Variants in DGKI observed in about 807,000 individuals in gnomAD.
DGKI encodes the protein diacylglycerol kinase iota.
A neutral mutation model predicts 147.5 loss-of-function variants in DGKI; 55 were observed. The observed-to-expected ratio is 0.37, with a 90% CI of 0.30 to 0.47. DGKI has a LOEUF of 0.47. DGKI is among the 20% of genes least tolerant of loss of function. DGKI has a pLI of 1.00. For missense variants in DGKI, 1,007 were observed against 1,323.8 expected (o/e 0.76, Z 3.71); for synonymous variants, 469 against 477.1 (o/e 0.98, Z 0.22).
chr7:137,729,860 A>AC (rs1794819924), intron 1 of DGKI, among the ~76,000 whole-genome samples: 1 of 152,032 alleles, frequency 6.6e-6, no homozygotes, highest in Admixed American at 6.6e-5. Context: ...TAATGGTTCC[A>AC]TGTTCACTAC....
intron 6 of DGKI, among the ~76,000 whole-genome samples, chr7:137,644,644 C>T (rs1307879068): frequency 6.6e-6 from 1 of 152,196 alleles, no homozygotes; most frequent in Non-Finnish European, 1.5e-5. Context: ...ATATTCCCCC[C>T]AAATTATCTT....
At chr7:137,618,145 A>ATATATATG (rs1222286147) in intron 8 of DGKI, among the ~76,000 whole-genome samples, 1 of 12,232 alleles carries the variant, frequency 8.2e-5, no homozygotes, top group African/African-American at 2.4e-4. Context: ...ATATATATAT[A>ATATATATG]TATATATTTT....
At chr7:137,649,783 ATATATATAT>A (rs1354431849) in intron 5 of DGKI, among the ~76,000 whole-genome samples, 1 of 148,480 alleles carries the variant, frequency 6.7e-6, no homozygotes, top group Non-Finnish European at 1.5e-5. Context: ...GTATATATAT[ATATATATAT>A]TTCATAGAGT....
intron 2 of DGKI, among the ~76,000 whole-genome samples, chr7:137,687,961 T>C (rs1373576988): frequency 6.6e-6 from 1 of 152,206 alleles, no homozygotes; most frequent in Non-Finnish European, 1.5e-5. Context: ...TCCCTCATTC[T>C]GTACTGCAGC....
rs1453061445 is a variant in DGKI at position 137,388,573 on chromosome 7, C to T, written c.*2647G>A. The T allele has an allele frequency of 2.6e-5, 4 of 152,124 alleles. No individual in the cohort carries two copies. The highest frequency in any genetic ancestry group is 4.4e-5 in the Non-Finnish European group (3 of 68,022). The allele number at this position is 152,124 out of a possible 1,614,324, so 9.4% of individuals were successfully genotyped here. ...TCCTGATGTCCTAATAGTAGGGATACAATATACTTAAGCTGAGATGGAAAC... is the reference window on the plus strand; with the variant it reads ...TCCTGATGTCCTAATAGTAGGGATATAATATACTTAAGCTGAGATGGAAAC... On this transcript the variant is annotated 3_prime_UTR_variant, in exon 33 of 33. Coordinates refer to ENST00000614521, the MANE Select transcript of DGKI (RefSeq NM_001321708.2).
At chr7:137,629,666 C>T (rs183232429) in intron 6 of DGKI, among the ~76,000 whole-genome samples, 20 of 152,312 alleles carry the variant, frequency 1.3e-4, no homozygotes, top group Non-Finnish European at 2.5e-4. Context: ...CTATATCTGT[C>T]TTATCCAGAG....
chr7:137,460,840 C>G lies in DGKI; in HGVS notation c.2735+2649G>C, dbSNP rs34401430. On this transcript the variant is annotated intron_variant, in intron 27 of 32. Coordinates refer to ENST00000614521, the MANE Select transcript of DGKI (RefSeq NM_001321708.2). Reference sequence around the variant, plus strand: ...AAGATATAATGCAAATATAGAAAAACAATGACATAATAAATCAAGGTGGTT... The same window carrying G: ...AAGATATAATGCAAATATAGAAAAAGAATGACATAATAAATCAAGGTGGTT... Among the ~76,000 whole-genome samples the G allele has an allele frequency of 4.6e-5, 7 of 152,038 alleles. 1 individual carries two copies. The highest frequency in any genetic ancestry group is 1.7e-4 in the African/African-American group (7 of 41,392).
At chr7:137,711,887 T>C (rs1794227310) in intron 1 of DGKI, among the ~76,000 whole-genome samples, 1 of 151,054 alleles carries the variant, frequency 6.6e-6, no homozygotes, top group Non-Finnish European at 1.5e-5. Flanking sequence ...AGAGACGGGG[T>C]TTCACCACGT....
At chr7:137,741,451 G>C (rs368400398) in intron 1 of DGKI, among the ~76,000 whole-genome samples, 1 of 152,318 alleles carries the variant, frequency 6.6e-6, no homozygotes, top group Non-Finnish European at 1.5e-5. Context: ...ATCCCACAAG[G>C]TTCCTTCTGG....
chr7:137,538,516 T>C (rs911253515), intron 20 of DGKI, among the ~76,000 whole-genome samples: 2 of 152,226 alleles, frequency 1.3e-5, no homozygotes, highest in African/African-American at 4.8e-5. Context: ...ATATCCTGTT[T>C]ATGTTTAAAT....
At chr7:137,517,448 G>A (rs949621333) in intron 21 of DGKI, among the ~76,000 whole-genome samples, 3 of 151,912 alleles carry the variant, frequency 2.0e-5, no homozygotes, top group African/African-American at 7.2e-5. Context: ...AAAGAACGCT[G>A]AGAAACGGTT....
rs189334070 is a variant in DGKI, at chr7:137,758,273, T to C, written c.402-68271A>G. ...TGGGCTCATTCTGGGACTCAGGTCC[T>C]GGCCCAAGTGGTAGCTCCAGCATCC... is the stretch of plus-strand genomic sequence containing the variant. On this transcript the variant is annotated intron_variant, in intron 1 of 32. Coordinates refer to ENST00000614521, the MANE Select transcript of DGKI (RefSeq NM_001321708.2). Among the ~76,000 whole-genome samples, 295 of 152,330 alleles carry C rather than the reference T, an allele frequency of 1.9e-3. 3 individuals carry two copies. The highest frequency in any genetic ancestry group is 1.3e-3 in the Non-Finnish European group (87 of 68,034).
intron 1 of DGKI, among the ~76,000 whole-genome samples, chr7:137,807,182 A>T (rs1009069515): frequency 4.6e-5 from 7 of 152,256 alleles, no homozygotes; most frequent in African/African-American, 1.7e-4. Context: ...GTACTGAAAG[A>T]ACGCATAATG....
At chr7:137,588,729 G>T (rs913285960) in intron 12 of DGKI, among the ~76,000 whole-genome samples, 1 of 152,020 alleles carries the variant, frequency 6.6e-6, no homozygotes, top group Non-Finnish European at 1.5e-5. Context: ...GCCCACCTCG[G>T]CCTCCCAAAG....
chr7:137,514,674 T>C (rs146965454), intron 21 of DGKI, among the ~76,000 whole-genome samples: 205 of 152,286 alleles, frequency 1.3e-3, no homozygotes, highest in Admixed American at 2.7e-3. Context: ...AACTGAATTT[T>C]ACACTCTTAT....
intron 10 of DGKI, among the ~76,000 whole-genome samples, chr7:137,604,985 C>T (rs1304880042): frequency 6.6e-6 from 1 of 152,146 alleles, no homozygotes; most frequent in East Asian, 1.9e-4. Context: ...CTTTATGTTA[C>T]ACTTACTATC....
rs896475923 is a variant in DGKI at position 137,846,366 on chromosome 7, G to A, written c.401+96C>T. Reference sequence around the variant, plus strand: ...GGGGAAGGAGAGGCGTGGAAACAGAGAGGTGCCCAACTCCGCGGAAGCGCC... The same window carrying A: ...GGGGAAGGAGAGGCGTGGAAACAGAAAGGTGCCCAACTCCGCGGAAGCGCC... On this transcript the variant is annotated intron_variant, in intron 1 of 32. Coordinates refer to ENST00000614521, the MANE Select transcript of DGKI (RefSeq NM_001321708.2). The surrounding 1 kb of genome is among the most constrained non-coding windows in gnomAD (Gnocchi z 4.0). The A allele has an allele frequency of 6.6e-6, 5 of 756,000 alleles. No individual in the cohort carries two copies. The African/African-American group carries it at 8.3e-5, about 13-fold the overall frequency. 46.8% of individuals were successfully genotyped at this position (756,000 alleles called of 1,614,324 possible).
intron 1 of DGKI, among the ~76,000 whole-genome samples, chr7:137,843,854 T>C (rs1008407836): frequency 1.3e-5 from 2 of 151,176 alleles, no homozygotes; most frequent in Non-Finnish European, 2.9e-5. Context: ...AAAATACACA[T>C]GTTCTTCAAA....
intron 11 of DGKI, among the ~76,000 whole-genome samples, chr7:137,598,440 A>G (rs1192591921): frequency 6.6e-6 from 1 of 152,226 alleles, no homozygotes; most frequent in African/African-American, 2.4e-5. Context: ...GAACACAGGT[A>G]TCACATCTAC....
Sources: gnomAD v4.1 joint callset for allele counts (sites outside exome capture counted in the v4.1 genomes callset) on GRCh38, gnomAD v4.1.1 for gene constraint, Gnocchi (gnomAD v3.1) non-coding constraint, MANE v1.5 for transcripts, NCBI Gene and HGNC (gene_info 2026-07-23, HGNC 2026-07-21) for gene names.